The following MIPOL1 variants were observed in gnomAD, a reference collection of about 807,000 sequenced individuals.
MIPOL1 encodes mirror-image polydactyly gene 1 protein.
A neutral mutation model predicts 60.9 loss-of-function variants in MIPOL1; 57 were observed. The ratio of observed to expected loss-of-function variants is 0.94; its 90% confidence interval spans 0.76 to 1.17. The LOEUF is 1.17. Among genes scored for constraint, MIPOL1 ranks in the 50% most tolerant of loss-of-function variants. The pLI, the probability that MIPOL1 is intolerant of heterozygous loss-of-function variation, is 0.00. For synonymous variants in MIPOL1, 179 were observed against 168.8 expected, an observed-to-expected ratio of 1.06 and a Z score of -0.47; for missense variants, 551 against 511.6, an observed-to-expected ratio of 1.08 and a Z score of -0.74.
At chr14:37,540,857 A>G (rs1260265520) in intron 12 of MIPOL1, among the ~76,000 whole-genome samples, 1 of 152,170 alleles carries the variant, frequency 6.6e-6, no homozygotes, top group Non-Finnish European at 1.5e-5. Flanking sequence ...TAGTACTTTC[A>G]TACCTTCTGC....
chr14:37,475,590 C>G (rs117855607), intron 11 of MIPOL1, among the ~76,000 whole-genome samples: 4 of 151,806 alleles, frequency 2.6e-5, no homozygotes, highest in African/African-American at 7.3e-5. Context: ...TCTTGAGTTA[C>G]GTTTTGTGAA....
Position 37,247,906 on chromosome 14 carries a change from A to G in MIPOL1, c.18A>G (p.Lys6=). MENWS[K]DITHSYLEQE... ...AAATACAAATGGAGAACTGGTCAAAAGGTAAGGACTTTTAAGGTATTAATA... is the reference window on the plus strand; with the variant it reads ...AAATACAAATGGAGAACTGGTCAAAGGGTAAGGACTTTTAAGGTATTAATA... The change falls in exon 3 of 13, where the codon AAA becomes AAG. Residue 6 remains lysine (K), a splice_region_variant and synonymous_variant. Coordinates refer to ENST00000684589, the MANE Select transcript of MIPOL1 (RefSeq NM_001388067.1). The G allele has an allele frequency of 6.2e-7, 1 of 1,613,258 alleles. No individual in the cohort carries two copies. The highest frequency in any genetic ancestry group is 8.5e-7 in the Non-Finnish European group (1 of 1,179,456).
intron 11 of MIPOL1, among the ~76,000 whole-genome samples, chr14:37,461,426 C>T: frequency 6.6e-6 from 1 of 152,122 alleles, no homozygotes; most frequent in East Asian, 1.9e-4. Flanking sequence ...CAGTCATCTC[C>T]CACCAGGTCC....
At chr14:37,363,226 G>T (rs2092344700) in intron 9 of MIPOL1, among the ~76,000 whole-genome samples, 1 of 152,088 alleles carries the variant, frequency 6.6e-6, no homozygotes, top group Non-Finnish European at 1.5e-5. Context: ...TTCTGCTCTG[G>T]TTTCTCCCCA....
At chr14:37,517,244 T>C (rs1280774042) in intron 12 of MIPOL1, among the ~76,000 whole-genome samples, 1 of 152,206 alleles carries the variant, frequency 6.6e-6, no homozygotes, top group East Asian at 1.9e-4. Context: ...TAATGTGCTC[T>C]GTAAACATAA....
At chr14:37,429,814 G>C (rs950147200) in intron 11 of MIPOL1, among the ~76,000 whole-genome samples, 3 of 152,064 alleles carry the variant, frequency 2.0e-5, no homozygotes, top group African/African-American at 7.2e-5. Flanking sequence ...ACTGCTGACT[G>C]TCACTAGAAT....
chr14:37,418,387 T>C (rs2093809256), intron 10 of MIPOL1, among the ~76,000 whole-genome samples: 1 of 152,152 alleles, frequency 6.6e-6, no homozygotes, highest in African/African-American at 2.4e-5. Context: ...TTAGATGGCA[T>C]TGGTCAAGAC....
intron 12 of MIPOL1, among the ~76,000 whole-genome samples, chr14:37,529,642 C>A (rs974974852): frequency 2.6e-5 from 4 of 151,862 alleles, no homozygotes; most frequent in African/African-American, 4.8e-5. Context: ...GGTAATACGG[C>A]GACAAGGAAG....
intron 11 of MIPOL1, among the ~76,000 whole-genome samples, chr14:37,481,573 A>ACACAC (rs1416130614): frequency 8.6e-6 from 1 of 115,978 alleles, no homozygotes; most frequent in African/African-American, 3.1e-5. Context: ...ACACACACAC[A>ACACAC]CACACACACA....
At chr14:37,546,777 T>G in intron 12 of MIPOL1, 128 bp from the exon 13 acceptor site, 9 of 726,956 alleles carry the variant, frequency 1.2e-5, no homozygotes, top group Non-Finnish European at 2.1e-5. Flanking sequence ...ACAGTAATGC[T>G]TTGTTTCTTA....
At chr14:37,481,612 C>CA (rs1555356178) in intron 11 of MIPOL1, among the ~76,000 whole-genome samples, 7 of 138,376 alleles carry the variant, frequency 5.1e-5, no homozygotes, top group African/African-American at 8.2e-5. Flanking sequence ...CACACACACA[C>CA]CGAAACCACA....
At chr14:37,382,842 C>T (rs1031657529) in intron 10 of MIPOL1, among the ~76,000 whole-genome samples, 1 of 151,850 alleles carries the variant, frequency 6.6e-6, no homozygotes, top group African/African-American at 2.4e-5. Flanking sequence ...CAAAAAAAGG[C>T]ATCTTGGAAA....
intron 1 of MIPOL1, among the ~76,000 whole-genome samples, chr14:37,235,826 T>C (rs1310568403): frequency 1.3e-5 from 2 of 152,146 alleles, no homozygotes; most frequent in Non-Finnish European, 1.5e-5. Flanking sequence ...CTCATATAAG[T>C]GGAATCATAA....
chr14:37,217,953 A>G (rs1356408901), intron 1 of MIPOL1, among the ~76,000 whole-genome samples: 1 of 152,172 alleles, frequency 6.6e-6, no homozygotes, highest in Non-Finnish European at 1.5e-5. Flanking sequence ...GCATTGATCT[A>G]GCTACATCTC....
At chr14:37,249,223 A>G (rs1242871827) in intron 3 of MIPOL1, among the ~76,000 whole-genome samples, 1 of 152,168 alleles carries the variant, frequency 6.6e-6, no homozygotes, top group African/African-American at 2.4e-5. Flanking sequence ...TAATTTAAAA[A>G]ATAGGATTCT....
At position 37,528,600 on chromosome 14, in the gene MIPOL1, G is replaced by A. The variant is rs114635583; in HGVS notation, c.1263-18305G>A. ...CAGAAAGATAACATTTCATCTTGCC[G>A]TCTAATTATAAAGTGTATTATCATA... is the stretch of plus-strand genomic sequence containing the variant. On this transcript the variant is annotated intron_variant, in intron 12 of 12. Transcript: ENST00000684589. Among the ~76,000 whole-genome samples, 994 of 152,080 alleles carry A rather than the reference G, an allele frequency of 6.5e-3. 12 individuals are homozygous for A. The highest frequency in any genetic ancestry group is 0.023 in the African/African-American group (947 of 41,508).
At chr14:37,213,946 AC>A (rs1567011620) in intron 1 of MIPOL1, among the ~76,000 whole-genome samples, 2 of 152,248 alleles carry the variant, frequency 1.3e-5, no homozygotes, top group Non-Finnish European at 2.9e-5. Context: ...GGCAAAAAAA[AC>A]ATTATACCCT....
chr14:37,357,805 T>C (rs2153480140), intron 9 of MIPOL1, among the ~76,000 whole-genome samples: 1 of 152,262 alleles, frequency 6.6e-6, no homozygotes, highest in Non-Finnish European at 1.5e-5. Flanking sequence ...TTGCCTGTGC[T>C]TGTGGGGTAT....
intron 10 of MIPOL1, among the ~76,000 whole-genome samples, chr14:37,408,627 TCAAAA>T (rs1263075143): frequency 1.3e-5 from 2 of 152,086 alleles, no homozygotes; most frequent in Admixed American, 6.5e-5. Context: ...AGACCCTGTC[TCAAAA>T]CAAAACAAAA....
Sources: gnomAD v4.1 joint callset for allele counts (sites outside exome capture counted in the v4.1 genomes callset) on GRCh38, gnomAD v4.1.1 for gene constraint, MANE v1.5 for transcripts, NCBI Gene and HGNC (gene_info 2026-07-23, HGNC 2026-07-21) for gene names.